The following KLHL22 variants were observed in gnomAD, a reference collection of about 807,000 sequenced individuals.
KLHL22 encodes the protein kelch like family member 22.
In KLHL22, 18 loss-of-function variants were observed where a neutral mutation model predicts 60.7. The ratio of observed to expected loss-of-function variants is 0.30; its 90% CI spans 0.20 to 0.44. The LOEUF (loss-of-function observed/expected upper bound fraction) is 0.44. Ranked by LOEUF, KLHL22 falls within the 20% of genes least tolerant of loss-of-function variation. The pLI is 1.00. For missense variants in KLHL22, 596 were observed against 852.3 expected, an observed-to-expected ratio of 0.70 and a Z score of 3.74; for synonymous variants, 355 against 354.5, an observed-to-expected ratio of 1.00 and a Z score of -0.01.
intron 4 of KLHL22, among the ~76,000 whole-genome samples, chr22:20,460,419 C>T (rs1295111144): frequency 6.6e-6 from 1 of 151,670 alleles, no homozygotes; most frequent in African/African-American, 2.4e-5. Context: ...CCAGACTGTC[C>T]AATATGGTGA....
intron 1 of KLHL22, among the ~76,000 whole-genome samples, chr22:20,490,543 A>G (rs886311329): frequency 6.6e-6 from 1 of 152,172 alleles, no homozygotes; most frequent in African/African-American, 2.4e-5. Context: ...CAAGCAATCA[A>G]TTCTGCCACA....
intron 5 of KLHL22, among the ~76,000 whole-genome samples, chr22:20,453,392 T>C (rs969870024): frequency 1.2e-4 from 18 of 152,192 alleles, no homozygotes; most frequent in Non-Finnish European, 2.4e-4. Flanking sequence ...CCAGTACTAT[T>C]TGCTGAAAGA....
At chr22:20,461,469 T>C (rs1413685465) in intron 4 of KLHL22, among the ~76,000 whole-genome samples, 1 of 134,998 alleles carries the variant, frequency 7.4e-6, no homozygotes, top group East Asian at 2.3e-4. Context: ...AGGAGAATGG[T>C]GTGAACCCAG....
intron 5 of KLHL22, chr22:20,451,775 T>C: frequency 6.3e-7 from 1 of 1,597,478 alleles, no homozygotes; most frequent in Middle Eastern, 1.9e-4. Context: ...GTGACATCCA[T>C]GGGAACCCAG....
At chr22:20,464,571 T>C (rs371211308) in intron 4 of KLHL22, among the ~76,000 whole-genome samples, 42 of 152,290 alleles carry the variant, frequency 2.8e-4, no homozygotes, top group African/African-American at 9.1e-4. Flanking sequence ...CGTCTCCTCC[T>C]GCACAATGCA....
intron 2 of KLHL22, among the ~76,000 whole-genome samples, chr22:20,476,971 T>C (rs2053425422): frequency 6.6e-6 from 1 of 150,556 alleles, no homozygotes; most frequent in Non-Finnish European, 1.5e-5. Flanking sequence ...CCTCCCATAG[T>C]GCTGGATTAC....
intron 5 of KLHL22, chr22:20,451,448 A>G (rs1299151692): frequency 6.2e-7 from 1 of 1,605,116 alleles, no homozygotes; most frequent in African/African-American, 1.3e-5. Context: ...AATTCAGTTG[A>G]GAAATATGAC....
chr22:20,458,198 C>A (rs2053094760), intron 4 of KLHL22, among the ~76,000 whole-genome samples, 198 bp from the exon 5 acceptor site: 1 of 152,074 alleles, frequency 6.6e-6, no homozygotes, highest in South Asian at 2.1e-4. Context: ...GTGCTCCCCA[C>A]CACACAGCAT....
In KLHL22 at chr22:20,494,694, A is replaced by G. The variant is rs1344211139; in HGVS notation, c.-34+1066T>C. Among the ~76,000 whole-genome samples the G allele has an allele frequency of 4.6e-5, 7 of 152,168 alleles. No homozygotes were observed. The South Asian group carries it at 8.3e-4, about 18-fold the overall frequency. ...GCCCGCCCCCAGTCTCATATCCCCA[A>G]TTTTAGTCATCACAAGCCAAGTTCC... On this transcript the variant is annotated intron_variant, in intron 1 of 6. Transcript: ENST00000328879.
At chr22:20,443,492 G>A (rs1005404605) in intron 6 of KLHL22, among the ~76,000 whole-genome samples, 2 of 152,150 alleles carry the variant, frequency 1.3e-5, no homozygotes, top group African/African-American at 4.8e-5. Context: ...TGTAATCCCA[G>A]CACTTTGGGA....
At chr22:20,461,959 A>G (rs2053161269) in intron 4 of KLHL22, among the ~76,000 whole-genome samples, 1 of 151,938 alleles carries the variant, frequency 6.6e-6, no homozygotes, top group Admixed American at 6.6e-5. Context: ...TTAGCCAGGC[A>G]TGGTGGCGTA....
chr22:20,477,564 C>T (rs2146259106), intron 2 of KLHL22, among the ~76,000 whole-genome samples: 1 of 152,156 alleles, frequency 6.6e-6, no homozygotes, highest in East Asian at 1.9e-4. Context: ...TATGATGACA[C>T]CATTGCCCAG....
chr22:20,454,094 C>T lies in KLHL22; in HGVS notation c.1305+3714G>A, dbSNP rs138290093. 2.6e-4 allele frequency among the ~76,000 whole-genome samples: 39 copies of T among 152,212 alleles called. No homozygotes were observed. The East Asian group carries it at 3.5e-3, about 14-fold the overall frequency. On this transcript the variant is annotated intron_variant, in intron 5 of 6. Transcript: ENST00000328879. ...ACTTCTCTAATCCCTGCACTTTGGC[C>T]GAGGCAGACAGATCCCTTGAGACCA...
chr22:20,495,205 C>G lies in KLHL22; in HGVS notation c.-34+555G>C, dbSNP rs976558260. Among the ~76,000 whole-genome samples, 5 of 152,230 alleles carry G rather than the reference C, an allele frequency of 3.3e-5. No individual in the cohort carries two copies. Among genetic ancestry groups the G allele is most frequent in the African/African-American group, 9.6e-5 (4 of 41,460 alleles). On this transcript the variant is annotated intron_variant, in intron 1 of 6. Coordinates refer to ENST00000328879, the MANE Select transcript of KLHL22 (RefSeq NM_032775.4). This position sits in a 1 kb window ranked among gnomAD's most constrained non-coding sequence, Gnocchi z 4.6. ...CGGCCCGCACCGGATCTAAAATGGTCAGAACTGGCAGCCGACGCTTCGCGC... is the reference window on the plus strand; with the variant it reads ...CGGCCCGCACCGGATCTAAAATGGTGAGAACTGGCAGCCGACGCTTCGCGC...
chr22:20,478,210 T>C (rs1011672049), intron 2 of KLHL22, among the ~76,000 whole-genome samples: 1 of 150,800 alleles, frequency 6.6e-6, no homozygotes, highest in Non-Finnish European at 1.5e-5. Context: ...ATTTAATTTT[T>C]TTTTTTTTTT....
intron 1 of KLHL22, among the ~76,000 whole-genome samples, chr22:20,489,483 C>A (rs1327998088): frequency 6.6e-6 from 1 of 152,164 alleles, no homozygotes; most frequent in African/African-American, 2.4e-5. Flanking sequence ...CTCATTGTAT[C>A]TTCTTCAGCG....
In KLHL22 at chr22:20,491,454, G is replaced by T. The variant is rs570869807; in HGVS notation, c.-33-2210C>A. Reference sequence around the variant, plus strand: ...TCCTGAAGCTACCTAGGGGCTGCTGGCCAGCATACAAAAAGGCATCACTCT... The same window carrying T: ...TCCTGAAGCTACCTAGGGGCTGCTGTCCAGCATACAAAAAGGCATCACTCT... On this transcript the variant is annotated intron_variant, in intron 1 of 6. Transcript: ENST00000328879. 2.6e-5 allele frequency: 4 copies of T among 152,250 alleles called. No homozygotes were observed. The South Asian group carries it at 6.2e-4, about 24-fold the overall frequency. The allele number at this position is 152,250 out of a possible 1,614,324, so 9.4% of individuals were successfully genotyped here.
chr22:20,465,702 T>C lies in KLHL22; in HGVS notation c.394-126A>G. 1.5e-6 allele frequency: 1 copy of C among 685,448 alleles called. No individual in the cohort carries two copies. The highest frequency in any genetic ancestry group is 2.1e-5 in the Admixed American group (1 of 46,880). The allele number at this position is 685,448 out of a possible 1,614,324, so 42.5% of individuals were successfully genotyped here. Reference sequence around the variant, plus strand: ...AAAGCAGAAGGGAAGTCCTCCTTAATTGTCCCCGACCTTTTCTGACACACT... The same window carrying C: ...AAAGCAGAAGGGAAGTCCTCCTTAACTGTCCCCGACCTTTTCTGACACACT... On this transcript the variant is annotated intron_variant, in intron 3 of 6. Transcript: ENST00000328879. The surrounding 1 kb of genome is among the most constrained non-coding windows in gnomAD (Gnocchi z 4.9).
intron 2 of KLHL22, chr22:20,483,606 C>A: frequency 1.4e-6 from 1 of 727,092 alleles, no homozygotes; most frequent in Non-Finnish European, 2.6e-6. Flanking sequence ...CTGTCTCATA[C>A]TTGACTCTAA....
Sources: allele counts gnomAD v4.1 joint callset (sites outside exome capture counted in the v4.1 genomes callset), GRCh38; gene constraint gnomAD v4.1.1; non-coding constraint Gnocchi (gnomAD v3.1); transcripts MANE v1.5; gene names NCBI Gene and HGNC (gene_info 2026-07-23, HGNC 2026-07-21).